The following KLHL30 variants were observed in gnomAD, a reference collection of about 807,000 sequenced individuals.
KLHL30 encodes the protein kelch like family member 30.
In KLHL30, 55 loss-of-function variants were observed where a neutral mutation model predicts 55.0. The observed-to-expected ratio is 1.00, with a 90% CI of 0.80 to 1.25. The LOEUF (loss-of-function observed/expected upper bound fraction) is 1.25. Ranked by LOEUF, KLHL30 falls within the 50% of genes most tolerant of loss-of-function variation. The pLI is 0.00. For missense variants in KLHL30, 786 were observed against 811.6 expected (o/e 0.97, Z 0.38); for synonymous variants, 356 against 372.6 (o/e 0.96, Z 0.51).
chr2:238,145,581 T>C (rs1692632100), intron 4 of KLHL30, 96 bp from the exon 5 acceptor site: 1 of 1,413,306 alleles, frequency 7.1e-7, no homozygotes, highest in South Asian at 1.3e-5. Context: ...GATCATGGCC[T>C]GGCATGGGAG....
At position 238,147,891 on chromosome 2, in the gene KLHL30, C is replaced by G; in HGVS notation, c.1208C>G (p.Thr403Arg). ...TATGACCCCTACACGGACAGCTGGACGCCCGTCAGCCCGGCCCTCAAATAC... is the reference window on the plus strand; with the variant it reads ...TATGACCCCTACACGGACAGCTGGAGGCCCGTCAGCCCGGCCCTCAAATAC... ...ESYDPYTDSW[T>R]PVSPALKYVS... Residue 403 changes from threonine (T) to arginine (R), a missense_variant, in exon 6 of 8, where the codon ACG becomes AGG. Coordinates refer to ENST00000409223, the MANE Select transcript of KLHL30 (RefSeq NM_198582.4). The surrounding 1 kb of genome is among the most constrained non-coding windows in gnomAD (Gnocchi z 5.8). The G allele has an allele frequency of 1.9e-6, 3 of 1,599,204 alleles. No individual in the cohort carries two copies. The highest frequency in any genetic ancestry group is 2.6e-6 in the Non-Finnish European group (3 of 1,172,452).
At chr2:238,146,891 A>T (rs1692656962) in intron 5 of KLHL30, among the ~76,000 whole-genome samples, 1 of 151,404 alleles carries the variant, frequency 6.6e-6, no homozygotes, top group Non-Finnish European at 1.5e-5. Context: ...ATGTAATCCC[A>T]GCTACTTGGG....
Position 238,142,782 on chromosome 2 carries a change from G to A in KLHL30, c.775-17G>A. The A allele has an allele frequency of 7.3e-7, 1 of 1,378,710 alleles. No homozygotes were observed. The highest frequency in any genetic ancestry group is 1.9e-5 in the South Asian group (1 of 52,778). The allele number at this position is 1,378,710 out of a possible 1,614,324, so 85.4% of individuals were successfully genotyped here. A position where few individuals can be genotyped will look rare whatever the true frequency, so the allele number is the denominator to read the frequency against. On this transcript the variant is annotated splice_polypyrimidine_tract_variant and intron_variant, in intron 2 of 7. Coordinates refer to ENST00000409223, the MANE Select transcript of KLHL30 (RefSeq NM_198582.4). ...GACACATTGCTGTTGCCCTGACCCT[G>A]GCCTCCCACCCCACAGGCACCACTC...
In KLHL30 at chr2:238,141,364, G is replaced by A. The variant is rs117272948; in HGVS notation, c.610G>A (p.Val204Met). Residue 204 changes from valine (V) to methionine (M), a missense_variant, in exon 2 of 8, where the codon GTG becomes ATG. Coordinates refer to ENST00000409223, the MANE Select transcript of KLHL30 (RefSeq NM_198582.4). ...QSRLEALMRWVRHDPQARAAH... is the reference protein window; with the variant it reads ...QSRLEALMRWMRHDPQARAAH... ...CCGACTCGAGGCCCTGATGCGCTGG[G>A]TGCGCCATGACCCGCAGGCCCGGGC... 3.1e-5 allele frequency: 49 copies of A among 1,598,116 alleles called. 1 individual carries two copies. In the East Asian group the frequency reaches 8.9e-4, roughly 29 times the overall value.
chr2:238,150,506 G>C (rs186787915), intron 7 of KLHL30, among the ~76,000 whole-genome samples: 1 of 152,318 alleles, frequency 6.6e-6, no homozygotes, highest in East Asian at 1.9e-4. Flanking sequence ...CGAAGCCTCA[G>C]TGAGGCCTCG....
At chr2:238,149,218 C>A in intron 7 of KLHL30, 66 bp downstream of exon 7, 2 of 1,588,014 alleles carry the variant, frequency 1.3e-6, no homozygotes, top group Non-Finnish European at 8.6e-7. Flanking sequence ...AGAGAGCCAG[C>A]CTGGGAAGTG....
rs958453188 is a variant in KLHL30, at chr2:238,151,321, C to G, written c.*256C>G. On this transcript the variant is annotated 3_prime_UTR_variant, in exon 8 of 8. Coordinates refer to ENST00000409223, the MANE Select transcript of KLHL30 (RefSeq NM_198582.4). Reference sequence around the variant, plus strand: ...GCTGGCATAACAGGGACAGGAAGCTCTGCTGCCCCTGGGGTTCCCGAGACC... The same window carrying G: ...GCTGGCATAACAGGGACAGGAAGCTGTGCTGCCCCTGGGGTTCCCGAGACC... The G allele has an allele frequency of 1.8e-6, 1 of 571,174 alleles. No homozygotes were observed. Among genetic ancestry groups the G allele is most frequent in the Admixed American group, 3.2e-5 (1 of 31,646 alleles). The allele number at this position is 571,174 out of a possible 1,614,324, so 35.4% of individuals were successfully genotyped here.
intron 4 of KLHL30, 21 bp downstream of exon 4, chr2:238,145,009 T>C (rs1339320690): frequency 7.0e-6 from 11 of 1,571,442 alleles, no homozygotes; most frequent in Non-Finnish European, 8.6e-6. Flanking sequence ...CGGGGACCCT[T>C]CCAGAGATGC....
Position 238,140,744 on chromosome 2 carries a change from G to A in KLHL30, c.-11G>A, listed in dbSNP as rs917695005. On this transcript the variant is annotated 5_prime_UTR_variant, in exon 2 of 8. Coordinates refer to ENST00000409223, the MANE Select transcript of KLHL30 (RefSeq NM_198582.4). ...GTGGGTGGACTACTGAGGTCCCCTG[G>A]GCACGGCGTCATGGTGCGGAACGTG... is the stretch of plus-strand genomic sequence containing the variant. The A allele has an allele frequency of 4.3e-5, 64 of 1,491,930 alleles. No individual in the cohort carries two copies. Among genetic ancestry groups the A allele is most frequent in the Non-Finnish European group, 5.2e-5 (58 of 1,112,882 alleles). The allele number at this position is 1,491,930 out of a possible 1,614,324, so 92.4% of individuals were successfully genotyped here.
chr2:238,148,647 G>T (rs1692691367), intron 6 of KLHL30, among the ~76,000 whole-genome samples: 1 of 151,924 alleles, frequency 6.6e-6, no homozygotes, highest in African/African-American at 2.4e-5. Flanking sequence ...CGGGGTTGGG[G>T]GCTGGGCAGG....
intron 2 of KLHL30, among the ~76,000 whole-genome samples, chr2:238,141,897 C>G (rs1397283804): frequency 6.6e-6 from 1 of 152,266 alleles, no homozygotes; most frequent in East Asian, 1.9e-4. Flanking sequence ...GGAGGGCTCT[C>G]TGGAGGAGGC....
chr2:238,151,001 C>T lies in KLHL30; in HGVS notation c.1673C>T (p.Ala558Val), dbSNP rs1692746179. 1 of 1,589,448 alleles carries T rather than the reference C, an allele frequency of 6.3e-7. No individual in the cohort carries two copies. The highest frequency in any genetic ancestry group is 8.6e-7 in the Non-Finnish European group (1 of 1,169,246). Reference protein sequence around the residue: ...ALPRLWLYHGASTVFLDVSKW... With the variant: ...ALPRLWLYHGVSTVFLDVSKW... ...CCCCGGCTCTGGCTCTACCACGGGG[C>T]CTCCACCGTCTTCCTGGATGTCTCC... Residue 558 changes from alanine (A) to valine (V), a missense_variant, in exon 8 of 8, where the codon GCC becomes GTC. Physicochemically the swap from Ala to Val is moderately conservative, Grantham distance 64. Transcript: ENST00000409223.
At chr2:238,139,755 C>G (rs1038570003) in intron 1 of KLHL30, among the ~76,000 whole-genome samples, 1 of 152,350 alleles carries the variant, frequency 6.6e-6, no homozygotes, top group Middle Eastern at 3.4e-3. Context: ...CGAGGCGCCC[C>G]CTAGCGGGCG....
rs969968413 is a variant in KLHL30 at position 238,151,981 on chromosome 2, C to A, written c.*916C>A. The stretch of plus-strand genomic sequence containing the variant: ...GCAGCCCGACTCCGGCTGGCTCAGG[C>A]TCCGAGTGGCTTCTCCCTCATCCTG... On this transcript the variant is annotated 3_prime_UTR_variant, in exon 8 of 8. Coordinates refer to ENST00000409223, the MANE Select transcript of KLHL30 (RefSeq NM_198582.4). 62 of 985,396 alleles carry A rather than the reference C, an allele frequency of 6.3e-5. No individual in the cohort carries two copies. The highest frequency in any genetic ancestry group is 7.3e-5 in the Non-Finnish European group (61 of 829,982). 61.0% of individuals were successfully genotyped at this position (985,396 alleles called of 1,614,324 possible).
chr2:238,149,755 G>A (rs549501623), intron 7 of KLHL30, among the ~76,000 whole-genome samples: 2 of 152,166 alleles, frequency 1.3e-5, no homozygotes, highest in African/African-American at 4.8e-5. Flanking sequence ...GGGCTTTCCT[G>A]TTGTCCTCAG....
Position 238,145,789 on chromosome 2 carries a change from C to G in KLHL30, c.1107C>G (p.Asn369Lys). 6.2e-7 allele frequency: 1 copy of G among 1,608,334 alleles called. No individual in the cohort carries two copies. Among genetic ancestry groups the G allele is most frequent in the Non-Finnish European group, 8.5e-7 (1 of 1,178,270 alleles). Residue 369 changes from asparagine to lysine, a missense_variant, in exon 5 of 8, where the codon AAC (asparagine) becomes AAG (lysine). Asn to Lys is a moderately conservative substitution (Grantham distance 94, BLOSUM62 0). Transcript: ENST00000409223. ...CGCCCATGCTGAAGCCCCGCACCAA[C>G]CACGCCAGCGCGGCCCTCAATGGGG... is the stretch of plus-strand genomic sequence containing the variant. The part of the protein sequence containing the change: ...PVAPMLKPRT[N>K]HASAALNGEI...
intron 2 of KLHL30, 81 bp from the exon 3 acceptor site, chr2:238,142,718 T>A: frequency 7.7e-7 from 1 of 1,291,502 alleles, no homozygotes; most frequent in Non-Finnish European, 1.0e-6. Flanking sequence ...ACTCACATGC[T>A]GAGGCCTGCC....
Position 238,141,499 on chromosome 2 carries a change from C to G in KLHL30, c.745C>G (p.Arg249Gly). The G allele has an allele frequency of 6.8e-7, 1 of 1,471,816 alleles. No homozygotes were observed. Among genetic ancestry groups the G allele is most frequent in the South Asian group, 1.4e-5 (1 of 73,068 alleles). 91.2% of individuals were successfully genotyped at this position (1,471,816 alleles called of 1,614,324 possible). The change falls in exon 2 of 8, where the codon CGG (arginine) becomes GGG (glycine). Residue 249 changes from arginine to glycine, a missense_variant. Physicochemically the swap from Arg to Gly is moderately radical, Grantham distance 125. Transcript: ENST00000409223. ...EPLIQESEAC[R>G]AALSQGHDGA... ...CCTGATCCAGGAGTCAGAGGCATGC[C>G]GGGCAGCCCTGTCCCAGGGCCATGA...
chr2:238,150,024 C>T (rs1454996583), intron 7 of KLHL30, among the ~76,000 whole-genome samples: 1 of 152,196 alleles, frequency 6.6e-6, no homozygotes, highest in Non-Finnish European at 1.5e-5. Context: ...AATCCTGCTG[C>T]CCACAGCTGT....
Sources: allele counts gnomAD v4.1 joint callset (sites outside exome capture counted in the v4.1 genomes callset), GRCh38; gene constraint gnomAD v4.1.1; non-coding constraint Gnocchi (gnomAD v3.1); transcripts MANE v1.5; gene names NCBI Gene and HGNC (gene_info 2026-07-23, HGNC 2026-07-21).